PCBP3: variants seen among roughly 807,000 people sequenced by gnomAD.
The protein encoded by PCBP3 is poly(rC)-binding protein 3.
Under a neutral mutation model 52.7 loss-of-function variants are expected in PCBP3, and 25 were observed. That is an observed-to-expected ratio of 0.47 (90% confidence interval 0.35 to 0.66). PCBP3 has a LOEUF of 0.66. Ranked by LOEUF, PCBP3 falls within the 30% of genes least tolerant of loss-of-function variation. The probability of loss-of-function intolerance (pLI) is 0.01; values close to 1 mark genes in which losing one functional copy is unlikely to be tolerated. For missense variants in PCBP3, 391 were observed against 490.3 expected, an observed-to-expected ratio of 0.80 and a Z score of 1.91; for synonymous variants, 162 against 183.0, an observed-to-expected ratio of 0.89 and a Z score of 0.93.
intron 16 of PCBP3, 134 bp downstream of exon 16, chr21:45,935,439 T>A (rs1271282166): frequency 1.4e-6 from 1 of 718,060 alleles, no homozygotes; most frequent in South Asian, 1.5e-5. Flanking sequence ...CACTGTTTGA[T>A]CTGTGTCCTC....
At chr21:45,901,234 C>T (rs1424015033) in intron 9 of PCBP3, 121 bp downstream of exon 9, 2 of 725,122 alleles carry the variant, frequency 2.8e-6, no homozygotes, top group Non-Finnish European at 4.9e-6. Flanking sequence ...CAGGCAACCC[C>T]ATAACTACGC....
chr21:45,889,605 G>A (rs1261680355), intron 5 of PCBP3, among the ~76,000 whole-genome samples: 2 of 152,246 alleles, frequency 1.3e-5, no homozygotes, highest in African/African-American at 4.8e-5. Flanking sequence ...GGGAAAGGAT[G>A]CTGTGGAGTT....
Position 45,882,911 on chromosome 21 carries a change from G to A in PCBP3, c.11-13297G>A, listed in dbSNP as rs140146973. ...GTTCTTACACCAGCGCCAAGTTCTGGTCTTTAGTATTTCATTCCTCTGCTT... is the reference window on the plus strand; with the variant it reads ...GTTCTTACACCAGCGCCAAGTTCTGATCTTTAGTATTTCATTCCTCTGCTT... On this transcript the variant is annotated intron_variant, in intron 5 of 17. Coordinates refer to ENST00000681687, the MANE Select transcript of PCBP3 (RefSeq NM_001384156.1). Among the ~76,000 whole-genome samples, 13 of 152,244 alleles carry A rather than the reference G, an allele frequency of 8.5e-5. No individual in the cohort carries two copies. The East Asian group carries it at 2.3e-3, about 27-fold the overall frequency.
At chr21:45,927,209 T>C (rs548892397) in intron 13 of PCBP3, among the ~76,000 whole-genome samples, 46 of 147,360 alleles carry the variant, frequency 3.1e-4, no homozygotes, top group Non-Finnish European at 5.2e-4. Context: ...CAATGTGAAA[T>C]AGAAAAGACA....
rs556548049 is a variant in PCBP3 at position 45,647,619 on chromosome 21, C to T, written c.-279+3751C>T. The stretch of plus-strand genomic sequence containing the variant: ...AAAAAGACTGGAAGGTTGGAATAAC[C>T]GGAGTACAGAGTGTGTAGTGGTGTG... On this transcript the variant is annotated intron_variant, in intron 1 of 17. Transcript: ENST00000681687. Among the ~76,000 whole-genome samples the T allele has an allele frequency of 4.3e-4, 66 of 152,146 alleles. 1 individual carries two copies. In the South Asian group the frequency reaches 0.012, roughly 29 times the overall value.
chr21:45,668,177 G>A (rs904251008), intron 1 of PCBP3, among the ~76,000 whole-genome samples: 1 of 151,972 alleles, frequency 6.6e-6, no homozygotes, highest in Non-Finnish European at 1.5e-5. Flanking sequence ...CCTTGAGTAG[G>A]TGCATAGCTC....
rs1348628812 is a variant in PCBP3, at chr21:45,802,661, G to T, written c.-126+47209G>T. 6.6e-6 allele frequency among the ~76,000 whole-genome samples: 1 copy of T among 152,146 alleles called. No individual in the cohort carries two copies. Among genetic ancestry groups the T allele is most frequent in the Non-Finnish European group, 1.5e-5 (1 of 68,012 alleles). On this transcript the variant is annotated intron_variant, in intron 4 of 17. Transcript: ENST00000681687. This position sits in a 1 kb window ranked among gnomAD's most constrained non-coding sequence, Gnocchi z 5.1. The stretch of plus-strand genomic sequence containing the variant: ...AGCAGGGCAGGAGGTCAGATTGTGT[G>T]TTTGGGATGTTCCTCTCCTTCATGG...
At chr21:45,876,870 C>G (rs1227981299) in intron 5 of PCBP3, among the ~76,000 whole-genome samples, 6 of 152,250 alleles carry the variant, frequency 3.9e-5, no homozygotes, top group Non-Finnish European at 5.9e-5. Flanking sequence ...GCCAGAGCCG[C>G]TGGCTGCGAC....
intron 4 of PCBP3, among the ~76,000 whole-genome samples, chr21:45,789,317 T>A (rs920382064): frequency 6.6e-6 from 1 of 152,112 alleles, no homozygotes; most frequent in Admixed American, 6.5e-5. Flanking sequence ...CGAGGGTGAG[T>A]GTGTGCATGT....
chr21:45,780,482 C>A (rs552777177), intron 4 of PCBP3, among the ~76,000 whole-genome samples: 23 of 152,244 alleles, frequency 1.5e-4, no homozygotes, highest in Non-Finnish European at 2.6e-4. Context: ...CCTGGTCCAA[C>A]CTGTGACGAG....
chr21:45,886,136 G>A (rs2095513546), intron 5 of PCBP3, among the ~76,000 whole-genome samples: 1 of 108,548 alleles, frequency 9.2e-6, no homozygotes, highest in African/African-American at 2.6e-5. Flanking sequence ...ACCAAGGACA[G>A]AGGACATGGT....
chr21:45,669,805 G>GTATATATATA (rs773020402), intron 2 of PCBP3, among the ~76,000 whole-genome samples: 4 of 49,714 alleles, frequency 8.0e-5, no homozygotes, highest in African/African-American at 1.6e-4. Flanking sequence ...GTGTGTGTGT[G>GTATATATATA]TATATATATA....
rs1204938374 is a variant in PCBP3 at position 45,643,744 on chromosome 21, CG to C, written c.-401del. 2.0e-5 allele frequency: 3 copies of C among 148,632 alleles called. No homozygotes were observed. The highest frequency in any genetic ancestry group is 4.5e-5 in the Non-Finnish European group (3 of 66,674). 9.2% of individuals were successfully genotyped at this position (148,632 alleles called of 1,614,324 possible). A position where few individuals can be genotyped will look rare whatever the true frequency, so the allele number is the denominator to read the frequency against. On this transcript the variant is annotated 5_prime_UTR_variant, in exon 1 of 18. Transcript: ENST00000681687. The stretch of plus-strand genomic sequence containing the variant: ...ACCGCCGCCTCAGCCGCCTCAGCCG[CG>C]GTCGCCGCCGCTTCGGCTGACTTAG...
At position 45,671,870 on chromosome 21, in the gene PCBP3, G is replaced by A. The variant is rs1053820126; in HGVS notation, c.-200+2918G>A. Among the ~76,000 whole-genome samples, 49 of 152,120 alleles carry A rather than the reference G, an allele frequency of 3.2e-4. 1 individual carries two copies. The highest frequency in any genetic ancestry group is 1.9e-3 in the Admixed American group (29 of 15,280). The stretch of plus-strand genomic sequence containing the variant: ...CTTCATTCATCATGGTCAGTGTGGC[G>A]TGTCTGATTCTTTCACCTTCTATTC... On this transcript the variant is annotated intron_variant, in intron 2 of 17. Coordinates refer to ENST00000681687, the MANE Select transcript of PCBP3 (RefSeq NM_001384156.1).
At chr21:45,892,934 TCTGGAGAGGGGAGGGAGTC>T (rs573475729) in intron 5 of PCBP3, among the ~76,000 whole-genome samples, 1 of 151,810 alleles carries the variant, frequency 6.6e-6, no homozygotes, top group Admixed American at 6.6e-5. Context: ...CGCAGGGAAC[TCTGGAGAGGGGAGGGAGTC>T]CTGGGGAGGG....
At position 45,914,153 on chromosome 21, in the gene PCBP3, G is replaced by A. The variant is rs189097977; in HGVS notation, c.675+128G>A. ...TGCACGTCTCCCACCCGTGCTGGAG[G>A]CAGAGCTCTTCCACCTACACCCAGC... On this transcript the variant is annotated intron_variant, in intron 12 of 17. Coordinates refer to ENST00000681687, the MANE Select transcript of PCBP3 (RefSeq NM_001384156.1). The A allele has an allele frequency of 1.0e-2, 15,085 of 1,509,986 alleles. 95 individuals are homozygous for A. The highest frequency in any genetic ancestry group is 0.012 in the Non-Finnish European group (12,894 of 1,115,800). 93.5% of individuals were successfully genotyped at this position (1,509,986 alleles called of 1,614,324 possible).
chr21:45,753,994 G>A (rs1047837284), intron 3 of PCBP3, among the ~76,000 whole-genome samples: 2 of 152,150 alleles, frequency 1.3e-5, no homozygotes, highest in Non-Finnish European at 2.9e-5. Flanking sequence ...GCATCGTGGT[G>A]AGAATGTGGG....
Position 45,821,885 on chromosome 21 carries a change from G to A in PCBP3, c.-125-28076G>A, listed in dbSNP as rs747215445. Among the ~76,000 whole-genome samples the A allele has an allele frequency of 3.3e-5, 5 of 152,180 alleles. No individual in the cohort carries two copies. The highest frequency in any genetic ancestry group is 5.9e-5 in the Non-Finnish European group (4 of 68,042). Reference sequence around the variant, plus strand: ...GTCAGGGAGGCACCGCCCAGGGGAGGCTCCTCCTTAGGGTGCATTGTCACT... The same window carrying A: ...GTCAGGGAGGCACCGCCCAGGGGAGACTCCTCCTTAGGGTGCATTGTCACT... On this transcript the variant is annotated intron_variant, in intron 4 of 17. Coordinates refer to ENST00000681687, the MANE Select transcript of PCBP3 (RefSeq NM_001384156.1). This position sits in a 1 kb window ranked among gnomAD's most constrained non-coding sequence, Gnocchi z 4.4.
chr21:45,739,358 T>C (rs2086202287), intron 3 of PCBP3, among the ~76,000 whole-genome samples: 1 of 104,864 alleles, frequency 9.5e-6, no homozygotes, highest in Non-Finnish European at 1.9e-5. Flanking sequence ...CACCCCTTCC[T>C]GTCCACGGTC....
Sources: allele counts gnomAD v4.1 joint callset (sites outside exome capture counted in the v4.1 genomes callset), GRCh38; gene constraint gnomAD v4.1.1; non-coding constraint Gnocchi (gnomAD v3.1); transcripts MANE v1.5; gene names NCBI Gene and HGNC (gene_info 2026-07-23, HGNC 2026-07-21).